Variants in PRPF40B observed in about 807,000 individuals in gnomAD.
PRPF40B encodes pre-mRNA processing factor 40B, also known as pre-mRNA-processing factor 40 homolog B.
PRPF40B carries 56 observed loss-of-function variants against 124.5 expected under a neutral mutation model. The observed-to-expected ratio is 0.45, with a 90% CI of 0.36 to 0.56. The LOEUF is 0.56. PRPF40B is among the 20% of genes least tolerant of loss of function. The probability of loss-of-function intolerance (pLI) is 0.00; values close to 1 mark genes in which losing one functional copy is unlikely to be tolerated. For missense variants in PRPF40B, 1,053 were observed against 1,169.5 expected (o/e 0.90, Z 1.45); for synonymous variants, 443 against 426.4 (o/e 1.04, Z -0.48).
chr12:49,643,093 A>G, intron 22 of PRPF40B, 77 bp downstream of exon 22: 2 of 1,592,008 alleles, frequency 1.3e-6, no homozygotes, highest in Non-Finnish European at 1.7e-6. Context: ...TTCCCCTTAC[A>G]ATATCTCCCT....
At chr12:49,623,428 C>G (rs1273295250), upstream of PRPF40B, 9 of 605,550 alleles carry the variant, frequency 1.5e-5, no homozygotes, top group Non-Finnish European at 9.3e-6. Context: ...CCGAACACAC[C>G]GGGCCGGTTG....
rs199814103 is a variant in PRPF40B at position 49,637,753 on chromosome 12, T to C, written c.1696T>C (p.Phe566Leu). 3.2e-5 allele frequency: 52 copies of C among 1,609,072 alleles called. No individual in the cohort carries two copies. The highest frequency in any genetic ancestry group is 1.7e-4 in the Middle Eastern group (1 of 5,764). The part of the protein sequence containing the change: ...GQPGSTPLDL[F>L]KFYVEELKAR... ...TACAGGCTCCACCCCTCTGGACTTA[T>C]TCAAGTTCTATGTGGAGGAGTTGAA... The change falls in exon 18 of 26, where the codon TTC becomes CTC. Residue 566 changes from phenylalanine (F) to leucine (L), a missense_variant. Transcript: ENST00000548825.
At chr12:49,632,398 A>C (rs1941308315) in intron 4 of PRPF40B, 198 bp from the exon 5 acceptor site, 4 of 639,368 alleles carry the variant, frequency 6.3e-6, no homozygotes, top group African/African-American at 1.8e-5. Flanking sequence ...AGAACGAAGA[A>C]TGGAGCTGCT....
rs1941379491 is a variant in PRPF40B, at chr12:49,632,996, G to GGCCCCCCC, written c.349-18_349-17insGCCCCCCC. 1.0e-6 allele frequency: 1 copy of GGCCCCCCC among 956,520 alleles called. No homozygotes were observed. Among genetic ancestry groups the GGCCCCCCC allele is most frequent in the Non-Finnish European group, 1.4e-6 (1 of 701,546 alleles). 59.3% of individuals were successfully genotyped at this position (956,520 alleles called of 1,614,324 possible). ...AAAGGGGCCTTGACCACCATTCTGT[G>GGCCCCCCC]CCCCCCCCCCCACCCAGAGGGCCCT... is the stretch of plus-strand genomic sequence containing the variant. On this transcript the variant is annotated splice_polypyrimidine_tract_variant and intron_variant, in intron 6 of 25. Coordinates refer to ENST00000548825, the MANE Select transcript of PRPF40B (RefSeq NM_001031698.3).
At chr12:49,643,502 G>A (rs1416513256) in intron 23 of PRPF40B, 105 bp downstream of exon 23, 1 of 1,449,340 alleles carries the variant, frequency 6.9e-7, no homozygotes, top group East Asian at 2.3e-5. Flanking sequence ...GATTGGGAGG[G>A]CTGCACCTGT....
At position 49,637,798 on chromosome 12, in the gene PRPF40B, A is replaced by C; in HGVS notation, c.1741A>C (p.Lys581Gln). 6.2e-7 allele frequency: 1 copy of C among 1,611,388 alleles called. No individual in the cohort carries two copies. Residue 581 changes from lysine (K) to glutamine (Q), a missense_variant, in exon 18 of 26, where the codon AAG (lysine) becomes CAG (glutamine). By Grantham distance (53) the Lys-to-Gln change is moderately conservative. Coordinates refer to ENST00000548825, the MANE Select transcript of PRPF40B (RefSeq NM_001031698.3). Reference protein sequence around the residue: ...EELKARFHDEKKIIKDILKDR... With the variant: ...EELKARFHDEQKIIKDILKDR... ...GTTGAAGGCACGATTCCATGATGAAAAGAAGATCATTAAGGACATCCTTAA... is the reference window on the plus strand; with the variant it reads ...GTTGAAGGCACGATTCCATGATGAACAGAAGATCATTAAGGACATCCTTAA...
In PRPF40B at chr12:49,631,476, C is replaced by T. The variant is rs1941218638; in HGVS notation, c.160C>T (p.Pro54Ser). ...CATGAGTCAGAGACCACCAGCTATC[C>T]CCCCCATGCCACCTGGCATCCTGCC... ...PPMSQRPPAI[P>S]PMPPGILPPM... Residue 54 changes from proline (P) to serine (S), a missense_variant, in exon 3 of 26, where the codon CCC (proline) becomes TCC (serine). Pro to Ser is a moderately conservative substitution (Grantham distance 74). This residue lies in a region of PRPF40B where 158 missense variants were observed against 117.3 expected (regional missense o/e 1.35). Transcript: ENST00000548825. This position sits in a 1 kb window ranked among gnomAD's most constrained non-coding sequence, Gnocchi z 4.3. 1 of 1,529,096 alleles carries T rather than the reference C, an allele frequency of 6.5e-7. No individual in the cohort carries two copies. The highest frequency in any genetic ancestry group is 8.7e-7 in the Non-Finnish European group (1 of 1,143,500). The allele number at this position is 1,529,096 out of a possible 1,614,324, so 94.7% of individuals were successfully genotyped here.
chr12:49,638,271 T>A (rs1001648496), intron 18 of PRPF40B: 1 of 153,996 alleles, frequency 6.5e-6, no homozygotes, highest in Non-Finnish European at 1.4e-5. Flanking sequence ...CTGTAAAAAT[T>A]TGGAATTTGT....
rs1943060402 is a variant in PRPF40B, at chr12:49,644,369, C to T, written c.*177C>T. The T allele has an allele frequency of 2.8e-6, 2 of 705,312 alleles. No individual in the cohort carries two copies. 43.7% of individuals were successfully genotyped at this position (705,312 alleles called of 1,614,324 possible). A position where few individuals can be genotyped will look rare whatever the true frequency, so the allele number is the denominator to read the frequency against. ...AGGTTGCTCTTGGTGTTCAAGGGTC[C>T]CCTACTCCCTGGACTAGTGCAGTCC... On this transcript the variant is annotated 3_prime_UTR_variant, in exon 26 of 26. Transcript: ENST00000548825.
chr12:49,632,664 T>TG (rs773810581), intron 5 of PRPF40B, 41 bp downstream of exon 5: 4 of 1,610,956 alleles, frequency 2.5e-6, no homozygotes, highest in Non-Finnish European at 2.5e-6. Context: ...GCTCGGAGGT[T>TG]GGGGGGCATA....
Position 49,634,554 on chromosome 12 carries a change from C to T in PRPF40B, c.953C>T (p.Ala318Val). 9.9e-6 allele frequency: 16 copies of T among 1,614,218 alleles called. No individual in the cohort carries two copies. Among genetic ancestry groups the T allele is most frequent in the Non-Finnish European group, 1.4e-5 (16 of 1,180,022 alleles). ...LLRDKAVPSNASWEQAMKMVV... is the reference protein window; with the variant it reads ...LLRDKAVPSNVSWEQAMKMVV... ...TCATTCCAGGCTGTCCCCTCCAATG[C>T]CTCATGGGAACAGGCCATGAAGATG... The change falls in exon 12 of 26, where the codon GCC becomes GTC. Residue 318 changes from alanine (A) to valine (V), a missense_variant. By Grantham distance (64) the Ala-to-Val change is moderately conservative. This residue lies in a region of PRPF40B where 895 missense variants were observed against 1,052.2 expected (regional missense o/e 0.85). Coordinates refer to ENST00000548825, the MANE Select transcript of PRPF40B (RefSeq NM_001031698.3).
At position 49,630,598 on chromosome 12, in the gene PRPF40B, G is replaced by T; in HGVS notation, c.57G>T (p.Pro19=). Reference sequence around the variant, plus strand: ...CAGCAGCGCCTGCCCCCTTCCCACCGGGGCCCCCCATGATGCCACCACCCT... The same window carrying T: ...CAGCAGCGCCTGCCCCCTTCCCACCTGGGCCCCCCATGATGCCACCACCCT... ...RPPAAPAPFP[P]GPPMMPPPFM... is the part of the protein sequence containing the mutation. The change falls in exon 2 of 26, where the codon CCG becomes CCT. Residue 19 remains proline, a synonymous_variant. Coordinates refer to ENST00000548825, the MANE Select transcript of PRPF40B (RefSeq NM_001031698.3). 7.4e-7 allele frequency: 1 copy of T among 1,356,284 alleles called. No homozygotes were observed. Among genetic ancestry groups the T allele is most frequent in the Non-Finnish European group, 1.1e-6 (1 of 947,950 alleles). The allele number at this position is 1,356,284 out of a possible 1,614,324, so 84.0% of individuals were successfully genotyped here. A position where few individuals can be genotyped will look rare whatever the true frequency, so the allele number is the denominator to read the frequency against.
In PRPF40B at chr12:49,644,431, G is replaced by A. The variant is rs1015086404; in HGVS notation, c.*239G>A. 2.6e-5 allele frequency: 14 copies of A among 537,038 alleles called. No homozygotes were observed. Among genetic ancestry groups the A allele is most frequent in the Admixed American group, 2.2e-4 (7 of 32,016 alleles). 33.3% of individuals were successfully genotyped at this position (537,038 alleles called of 1,614,324 possible). A position where few individuals can be genotyped will look rare whatever the true frequency, so the allele number is the denominator to read the frequency against. ...CCCAGACCAGAGATGGGTGGTATAT[G>A]CCATGTGGGGTGGGTGATGCCAGTA... is the stretch of plus-strand genomic sequence containing the variant. On this transcript the variant is annotated 3_prime_UTR_variant, in exon 26 of 26. Transcript: ENST00000548825.
rs1941128288 is a variant in PRPF40B, at chr12:49,630,611, A to AGCGCC, written c.70_71insGCGCC (p.Met24SerfsTer25). 6 of 1,313,924 alleles carry AGCGCC rather than the reference A, an allele frequency of 4.6e-6. No individual in the cohort carries two copies. The highest frequency in any genetic ancestry group is 6.6e-6 in the Non-Finnish European group (6 of 908,304). 81.4% of individuals were successfully genotyped at this position (1,313,924 alleles called of 1,614,324 possible). A position where few individuals can be genotyped will look rare whatever the true frequency, so the allele number is the denominator to read the frequency against. On this transcript the variant is annotated frameshift_variant, in exon 2 of 26. Coordinates refer to ENST00000548825, the MANE Select transcript of PRPF40B (RefSeq NM_001031698.3). LOFTEE classifies it high-confidence loss of function. Reference sequence around the variant, plus strand: ...CCCCTTCCCACCGGGGCCCCCCATGATGCCACCACCCTTCGTAAGTTTTAT... The same window carrying AGCGCC: ...CCCCTTCCCACCGGGGCCCCCCATGAGCGCCTGCCACCACCCTTCGTAAGTTTTAT...
intron 1 of PRPF40B, among the ~76,000 whole-genome samples, chr12:49,625,965 G>A (rs114248246): frequency 6.6e-6 from 1 of 152,212 alleles, no homozygotes; most frequent in Non-Finnish European, 1.5e-5. Flanking sequence ...TCTGTCCTCT[G>A]TGGGGAACTG....
At position 49,633,226 on chromosome 12, in the gene PRPF40B, A is replaced by G. The variant is rs535358685; in HGVS notation, c.459+102A>G. The G allele has an allele frequency of 2.5e-5, 32 of 1,280,106 alleles. No homozygotes were observed. In the South Asian group the frequency reaches 3.1e-4, roughly 13 times the overall value. The allele number at this position is 1,280,106 out of a possible 1,614,324, so 79.3% of individuals were successfully genotyped here. A position where few individuals can be genotyped will look rare whatever the true frequency, so the allele number is the denominator to read the frequency against. The stretch of plus-strand genomic sequence containing the variant: ...AACCATATTCATGATGGTTCCTCTG[A>G]TCCCAAGGTCCCTGACCATTCCTCA... On this transcript the variant is annotated intron_variant, in intron 7 of 25. Transcript: ENST00000548825.
Position 49,623,583 on chromosome 12 carries a change from G to T in PRPF40B, c.-8G>T. Reference sequence around the variant, plus strand: ...GCTGAGCCGGCCCAGCTGCTCGGAGGCTCTGGCATGGTAACATCCCCGCGC... The same window carrying T: ...GCTGAGCCGGCCCAGCTGCTCGGAGTCTCTGGCATGGTAACATCCCCGCGC... On this transcript the variant is annotated 5_prime_UTR_variant, in exon 1 of 26. Transcript: ENST00000548825. The T allele has an allele frequency of 8.1e-7, 1 of 1,235,892 alleles. No homozygotes were observed. The highest frequency in any genetic ancestry group is 3.2e-5 in the East Asian group (1 of 31,736). 76.6% of individuals were successfully genotyped at this position (1,235,892 alleles called of 1,614,324 possible).
At position 49,633,004 on chromosome 12, in the gene PRPF40B, C is replaced by T. The variant is rs767581274; in HGVS notation, c.349-10C>T. 6.6e-6 allele frequency: 4 copies of T among 610,034 alleles called. No homozygotes were observed. The highest frequency in any genetic ancestry group is 1.2e-5 in the Non-Finnish European group (4 of 344,074). 37.8% of individuals were successfully genotyped at this position (610,034 alleles called of 1,614,324 possible). On this transcript the variant is annotated splice_polypyrimidine_tract_variant and intron_variant, in intron 6 of 25. Transcript: ENST00000548825. ...CTTGACCACCATTCTGTGCCCCCCC[C>T]CCCACCCAGAGGGCCCTATGGAGTG...
intron 15 of PRPF40B, 127 bp downstream of exon 15, chr12:49,636,120 C>T: frequency 8.4e-7 from 1 of 1,183,664 alleles, no homozygotes. Flanking sequence ...GTACTCAACA[C>T]TCACCCAGTC....
Sources: gnomAD v4.1 joint callset for allele counts (sites outside exome capture counted in the v4.1 genomes callset) on GRCh38, gnomAD v4.1.1 for gene constraint, gnomAD v4.1.1 regional missense constraint, Gnocchi (gnomAD v3.1) non-coding constraint, MANE v1.5 for transcripts, NCBI Gene and HGNC (gene_info 2026-07-23, HGNC 2026-07-21) for gene names.